Variants in LTBP1 observed in about 807,000 individuals in gnomAD.
The protein encoded by LTBP1 is latent transforming growth factor beta binding protein 1, also known as latent-transforming growth factor beta-binding protein 1.
A neutral mutation model predicts 207.6 loss-of-function variants in LTBP1; 129 were observed. The observed-to-expected ratio is 0.62, with a 90% CI of 0.54 to 0.72. LTBP1 has a LOEUF of 0.72. LTBP1 is among the 30% of genes least tolerant of loss of function. LTBP1 has a pLI of 0.00. For synonymous variants in LTBP1, 963 were observed against 833.7 expected, an observed-to-expected ratio of 1.16 and a Z score of -2.67; for missense variants, 2,281 against 2,217.2, an observed-to-expected ratio of 1.03 and a Z score of -0.58.
intron 9 of LTBP1, among the ~76,000 whole-genome samples, chr2:33,222,944 T>C (rs913664550): frequency 2.0e-5 from 3 of 152,192 alleles, no homozygotes; most frequent in Non-Finnish European, 4.4e-5. Context: ...TATTAGTAAC[T>C]TGGAAATATG....
intron 31 of LTBP1, among the ~76,000 whole-genome samples, chr2:33,378,181 A>ATGTGTGTG (rs1191265116): frequency 7.8e-5 from 9 of 115,978 alleles, no homozygotes; most frequent in Middle Eastern, 4.3e-3. Context: ...TCATATATAT[A>ATGTGTGTG]TATATGTGTG....
chr2:32,981,870 A>G (rs528583104), intron 2 of LTBP1, among the ~76,000 whole-genome samples: 2 of 152,316 alleles, frequency 1.3e-5, no homozygotes, highest in South Asian at 4.1e-4. Context: ...CTCCCCAGTC[A>G]TGTGGAACTG....
intron 10 of LTBP1, among the ~76,000 whole-genome samples, chr2:33,247,913 A>G (rs1343353440): frequency 6.6e-6 from 1 of 152,210 alleles, no homozygotes; most frequent in Non-Finnish European, 1.5e-5. Context: ...TTCCTTCCAG[A>G]CTTGATATTT....
chr2:33,111,403 C>G (rs2080391768), intron 4 of LTBP1, among the ~76,000 whole-genome samples: 1 of 152,178 alleles, frequency 6.6e-6, no homozygotes, highest in Non-Finnish European at 1.5e-5. Flanking sequence ...AAGGCGCAGC[C>G]CATCCAAAGG....
intron 9 of LTBP1, among the ~76,000 whole-genome samples, chr2:33,241,465 T>G (rs1332301309): frequency 6.6e-6 from 1 of 152,158 alleles, no homozygotes; most frequent in East Asian, 1.9e-4. Context: ...GTACTAGGCA[T>G]TGGTTGTAAA....
chr2:32,962,877 C>T (rs1049633854), intron 2 of LTBP1, among the ~76,000 whole-genome samples: 1 of 152,236 alleles, frequency 6.6e-6, no homozygotes, highest in African/African-American at 2.4e-5. Context: ...GGGATGGGGC[C>T]AGCCATCTGT....
At chr2:32,969,272 T>TGTGTGTGTG (rs1680494113) in intron 2 of LTBP1, among the ~76,000 whole-genome samples, 4 of 149,056 alleles carry the variant, frequency 2.7e-5, no homozygotes, top group African/African-American at 7.4e-5. Flanking sequence ...TGTGTGTGTG[T>TGTGTGTGTG]TTTAATTTAA....
At chr2:33,012,384 T>G (rs142875360) in intron 2 of LTBP1, among the ~76,000 whole-genome samples, 1 of 152,164 alleles carries the variant, frequency 6.6e-6, no homozygotes, top group East Asian at 1.9e-4. Context: ...GTAGTCACAT[T>G]TTTTGATTTT....
At chr2:33,349,564 G>A (rs2094751970) in intron 26 of LTBP1, among the ~76,000 whole-genome samples, 1 of 152,094 alleles carries the variant, frequency 6.6e-6, no homozygotes, top group Non-Finnish European at 1.5e-5. Context: ...CATCTGTTAT[G>A]TATTACTTAC....
chr2:33,199,899 C>T (rs1227230401), intron 7 of LTBP1, among the ~76,000 whole-genome samples: 4 of 152,072 alleles, frequency 2.6e-5, no homozygotes, highest in Non-Finnish European at 4.4e-5. Context: ...AATAAAATAC[C>T]TAGGAATCCA....
At chr2:33,253,190 T>A (rs1558889811) in intron 11 of LTBP1, among the ~76,000 whole-genome samples, 1 of 152,232 alleles carries the variant, frequency 6.6e-6, no homozygotes, top group Non-Finnish European at 1.5e-5. Context: ...GATTGGCTGC[T>A]CATCAATTCA....
intron 2 of LTBP1, among the ~76,000 whole-genome samples, chr2:32,994,041 G>A (rs144885112): frequency 6.8e-4 from 103 of 150,432 alleles, no homozygotes; most frequent in Middle Eastern, 3.5e-3. Context: ...TCATTACAGA[G>A]CTTGACTGTG....
chr2:32,947,507 G>A lies in LTBP1; in HGVS notation c.183G>A (p.Arg61=), dbSNP rs1487786103. Residue 61 remains arginine (R), a synonymous_variant, in exon 1 of 34, where the codon AGG becomes AGA. Coordinates refer to ENST00000404816, the MANE Select transcript of LTBP1 (RefSeq NM_206943.4). The stretch of plus-strand genomic sequence containing the variant: ...CATTCAACGTCGCGCTCAACGCCAG[G>A]TACAGCCGCAGCTCGGCGGCTGCCG... ...SRTFNVALNA[R]YSRSSAAAGA... 2 of 1,423,734 alleles carry A rather than the reference G, an allele frequency of 1.4e-6. No homozygotes were observed. The highest frequency in any genetic ancestry group is 1.8e-6 in the Non-Finnish European group (2 of 1,090,624). The allele number at this position is 1,423,734 out of a possible 1,614,324, so 88.2% of individuals were successfully genotyped here.
intron 2 of LTBP1, among the ~76,000 whole-genome samples, chr2:32,965,675 T>G (rs1209186064): frequency 1.3e-5 from 2 of 152,246 alleles, no homozygotes; most frequent in African/African-American, 2.4e-5. Context: ...TTTTTAATAC[T>G]GAATAATATT....
At chr2:33,231,494 G>C (rs2091786473) in intron 9 of LTBP1, among the ~76,000 whole-genome samples, 1 of 152,112 alleles carries the variant, frequency 6.6e-6, no homozygotes, top group South Asian at 2.1e-4. Flanking sequence ...TCTGCATAAG[G>C]ACTTTTTGGC....
chr2:33,146,710 A>G (rs1447304755), intron 5 of LTBP1, among the ~76,000 whole-genome samples: 1 of 152,210 alleles, frequency 6.6e-6, no homozygotes, highest in East Asian at 1.9e-4. Flanking sequence ...AAGCAGGCAC[A>G]TCTTACATGG....
At position 33,133,832 on chromosome 2, in the gene LTBP1, A is replaced by C. The variant is rs532596500; in HGVS notation, c.1034-961A>C. On this transcript the variant is annotated intron_variant, in intron 4 of 33. Coordinates refer to ENST00000404816, the MANE Select transcript of LTBP1 (RefSeq NM_206943.4). ...TTCAATTCTCTCAAGTTTTGGAAAA[A>C]CTGAACTGAACTGGACTGAAATGGC... 3.3e-3 allele frequency among the ~76,000 whole-genome samples: 506 copies of C among 152,318 alleles called. 3 individuals carry two copies. The highest frequency in any genetic ancestry group is 0.011 in the African/African-American group (474 of 41,560).
intron 4 of LTBP1, among the ~76,000 whole-genome samples, chr2:33,117,650 G>A (rs1358640598): frequency 2.0e-5 from 3 of 152,200 alleles, no homozygotes; most frequent in Non-Finnish European, 4.4e-5. Context: ...GGGCAAGAAC[G>A]TTGCTTAAAG....
At chr2:33,037,722 T>G (rs2075992880) in intron 3 of LTBP1, among the ~76,000 whole-genome samples, 1 of 152,040 alleles carries the variant, frequency 6.6e-6, no homozygotes, top group Non-Finnish European at 1.5e-5. Context: ...AGTTTTTATT[T>G]TATTTATTTT....
Sources: gnomAD v4.1 joint callset for allele counts (sites outside exome capture counted in the v4.1 genomes callset) on GRCh38, gnomAD v4.1.1 for gene constraint, MANE v1.5 for transcripts, NCBI Gene and HGNC (gene_info 2026-07-23, HGNC 2026-07-21) for gene names.